Variants in PRPF18 observed in about 807,000 individuals in gnomAD.
PRPF18 encodes pre-mRNA processing factor 18.
Under a neutral mutation model 46.5 loss-of-function variants are expected in PRPF18, and 38 were observed. The ratio of observed to expected loss-of-function variants is 0.82; its 90% CI spans 0.63 to 1.07. PRPF18 has a LOEUF of 1.07. Ranked by LOEUF, PRPF18 falls within the 50% of genes least tolerant of loss-of-function variation. The probability of loss-of-function intolerance (pLI) is 0.00; values close to 1 mark genes in which losing one functional copy is unlikely to be tolerated. For missense variants in PRPF18, 263 were observed against 410.0 expected, an observed-to-expected ratio of 0.64 and a Z score of 3.10; for synonymous variants, 152 against 146.7, an observed-to-expected ratio of 1.04 and a Z score of -0.26.
chr10:13,595,196 G>T (rs1459659339), intron 1 of PRPF18, among the ~76,000 whole-genome samples: 1 of 151,954 alleles, frequency 6.6e-6, no homozygotes, highest in Non-Finnish European at 1.5e-5. Flanking sequence ...ATGAAAACGG[G>T]GCACATAATG....
chr10:13,643,883 G>T, the PRPF18 span: 1 of 152,586 alleles, frequency 6.6e-6, no homozygotes, highest in African/African-American at 2.4e-5. Context: ...ACAGAATCCA[G>T]TAAAATCATT....
At chr10:13,634,969 T>G (rs771424758), downstream of PRPF18, among the ~76,000 whole-genome samples, 8 of 152,150 alleles carry the variant, frequency 5.3e-5, no homozygotes, top group Non-Finnish European at 7.3e-5. Context: ...TCATGGTGGT[T>G]TGCTGCACAC....
rs770844524 is a variant in PRPF18, at chr10:13,613,730, C to G, written c.580-11C>G. The G allele has an allele frequency of 1.2e-6, 2 of 1,609,770 alleles. No homozygotes were observed. Among genetic ancestry groups the G allele is most frequent in the Non-Finnish European group, 1.7e-6 (2 of 1,178,762 alleles). ...GGCATTGTAGTCTAAGTTTACCCAT[C>G]CTTTCAACAGTTTCTTCTTGGCGTT... is the stretch of plus-strand genomic sequence containing the variant. On this transcript the variant is annotated splice_polypyrimidine_tract_variant and intron_variant, in intron 6 of 9. Transcript: ENST00000378572.
intron 1 of PRPF18, chr10:13,591,838 G>T (rs538737492): frequency 4.5e-5 from 64 of 1,431,012 alleles, no homozygotes; most frequent in Non-Finnish European, 5.9e-5. Flanking sequence ...CAGGAAGACC[G>T]CCCTCTTGCC....
At chr10:13,635,551 A>G (rs955744508), downstream of PRPF18, among the ~76,000 whole-genome samples, 6 of 152,328 alleles carry the variant, frequency 3.9e-5, no homozygotes, top group Middle Eastern at 0.017. Context: ...CAACCTCACC[A>G]GCATCTGTTA....
At chr10:13,614,277 C>T (rs2080309399) in intron 8 of PRPF18, among the ~76,000 whole-genome samples, 191 bp downstream of exon 8, 2 of 152,152 alleles carry the variant, frequency 1.3e-5, no homozygotes, top group South Asian at 4.1e-4. Context: ...AATAACAAAC[C>T]TGACTAAGAA....
chr10:13,616,087 C>G (rs748508307), intron 8 of PRPF18, among the ~76,000 whole-genome samples: 1 of 152,178 alleles, frequency 6.6e-6, no homozygotes, highest in African/African-American at 2.4e-5. Flanking sequence ...AAGTGCCTAC[C>G]TGGTAATTCC....
downstream of PRPF18, among the ~76,000 whole-genome samples, chr10:13,635,270 C>A (rs1379748723): frequency 6.6e-6 from 1 of 152,130 alleles, no homozygotes; most frequent in African/African-American, 2.4e-5. Context: ...GTATATGTAC[C>A]ACATTTTCTT....
chr10:13,605,322 G>A (rs989502814), intron 3 of PRPF18, among the ~76,000 whole-genome samples: 5 of 152,006 alleles, frequency 3.3e-5, no homozygotes, highest in Non-Finnish European at 7.4e-5. Flanking sequence ...ATTAGCTCAC[G>A]CCTGTAATCC....
intron 9 of PRPF18, among the ~76,000 whole-genome samples, chr10:13,616,817 C>CT (rs111304639): frequency 0.051 from 7,361 of 145,522 alleles, 490 homozygotes; most frequent in African/African-American, 0.15. Context: ...TTGCAGTTTG[C>CT]TTTTTTTTTT....
chr10:13,652,206 T>G, the PRPF18 span: 1 of 578,790 alleles, frequency 1.7e-6, no homozygotes, highest in Non-Finnish European at 3.1e-6. Flanking sequence ...ATGGCCTCAT[T>G]TTGTATCACA....
rs565805739 is a variant in PRPF18, at chr10:13,610,167, C to T, written c.492C>T (p.Thr164=). ...QNDLKVHEEN[T]TIEELEALGE... ...ATCTGAAAGTTCATGAGGAAAACAC[C>T]ACAATTGAAGAGTTAGAGGTAATCT... Residue 164 remains threonine, a synonymous_variant, in exon 5 of 10, where the codon ACC becomes ACT. Coordinates refer to ENST00000378572, the MANE Select transcript of PRPF18 (RefSeq NM_003675.4). 1.9e-6 allele frequency: 3 copies of T among 1,613,972 alleles called. No homozygotes were observed. The African/African-American group carries it at 4.0e-5, about 22-fold the overall frequency.
At chr10:13,626,705 CT>C (rs2080510437) in intron 9 of PRPF18, among the ~76,000 whole-genome samples, 1 of 151,952 alleles carries the variant, frequency 6.6e-6, no homozygotes, top group Admixed American at 6.6e-5. Flanking sequence ...AGAGGAAACA[CT>C]TAAAACGTTT....
downstream of PRPF18, among the ~76,000 whole-genome samples, chr10:13,635,569 A>G (rs1182208343): frequency 1.3e-5 from 2 of 151,976 alleles, no homozygotes; most frequent in East Asian, 3.9e-4. Flanking sequence ...TTATTTTTTA[A>G]TTTTTTGATA....
the PRPF18 span, among the ~76,000 whole-genome samples, chr10:13,650,593 A>G: frequency 1.3e-5 from 2 of 152,158 alleles, no homozygotes; most frequent in African/African-American, 4.8e-5. Flanking sequence ...TCCTACTTCA[A>G]AAATACTGCT....
the PRPF18 span, chr10:13,652,147 T>C: frequency 4.8e-5 from 30 of 623,764 alleles, no homozygotes; most frequent in Non-Finnish European, 8.4e-5. Context: ...GTCCCCATAA[T>C]TGAGTCAAAA....
At chr10:13,596,299 A>T (rs2080034402) in intron 1 of PRPF18, among the ~76,000 whole-genome samples, 1 of 152,256 alleles carries the variant, frequency 6.6e-6, no homozygotes, top group Non-Finnish European at 1.5e-5. Context: ...GATACTTCGT[A>T]GACGATGGCT....
At chr10:13,642,374 G>A in the PRPF18 span, 1 of 152,452 alleles carries the variant, frequency 6.6e-6, no homozygotes, top group East Asian at 1.9e-4. Context: ...GCCCTCATCA[G>A]TGGTGACTTC....
intron 1 of PRPF18, chr10:13,591,945 C>G: frequency 9.1e-7 from 1 of 1,094,620 alleles, no homozygotes; most frequent in Non-Finnish European, 1.3e-6. Flanking sequence ...TTTTTTTTTG[C>G]CATGGCTCAA....
Sources: allele counts gnomAD v4.1 joint callset (sites outside exome capture counted in the v4.1 genomes callset), GRCh38; gene constraint gnomAD v4.1.1; transcripts MANE v1.5; gene names NCBI Gene and HGNC (gene_info 2026-07-23, HGNC 2026-07-21).